Variants in TENM2 observed in about 807,000 individuals in gnomAD.
TENM2 encodes the protein teneurin-2.
Under a neutral mutation model 245.2 loss-of-function variants are expected in TENM2, and 52 were observed. The observed-to-expected ratio is 0.21, with a 90% confidence interval of 0.17 to 0.27. The LOEUF (loss-of-function observed/expected upper bound fraction) is 0.27. Ranked by LOEUF, TENM2 falls within the 10% of genes least tolerant of loss-of-function variation. The pLI is 1.00. For missense variants in TENM2, 3,046 were observed against 3,666.8 expected, an observed-to-expected ratio of 0.83 and a Z score of 4.37; for synonymous variants, 1,363 against 1,438.9, an observed-to-expected ratio of 0.95 and a Z score of 1.19.
At chr5:167,317,013 C>G (rs557190899) in intron 1 of TENM2, among the ~76,000 whole-genome samples, 6 of 152,200 alleles carry the variant, frequency 3.9e-5, no homozygotes, top group Non-Finnish European at 7.4e-5. Context: ...CTCTCCTCAT[C>G]ATCCCTTGGT....
the TENM2 span, among the ~76,000 whole-genome samples, chr5:167,147,091 A>G: frequency 6.6e-6 from 1 of 152,172 alleles, no homozygotes; most frequent in Non-Finnish European, 1.5e-5. Context: ...TTCCTAAAGC[A>G]TGTGCTTTAG....
chr5:167,431,902 A>T (rs1764240713), intron 2 of TENM2, among the ~76,000 whole-genome samples: 1 of 116,024 alleles, frequency 8.6e-6, no homozygotes, highest in Non-Finnish European at 1.8e-5. Flanking sequence ...TTAGCTCATG[A>T]TTCCAAGGTG....
chr5:167,209,102 G>C, the TENM2 span, among the ~76,000 whole-genome samples: 1 of 152,092 alleles, frequency 6.6e-6, no homozygotes, highest in East Asian at 1.9e-4. Flanking sequence ...GGCATTTGGG[G>C]CACATTGTTT....
intron 1 of TENM2, among the ~76,000 whole-genome samples, chr5:167,368,692 C>T (rs1010295275): frequency 3.9e-5 from 6 of 152,158 alleles, no homozygotes; most frequent in African/African-American, 1.4e-4. Flanking sequence ...TAAAGGTGTA[C>T]TTTGTGTATA....
chr5:167,995,787 T>A (rs1784009225), intron 5 of TENM2, among the ~76,000 whole-genome samples: 1 of 152,214 alleles, frequency 6.6e-6, no homozygotes, highest in Non-Finnish European at 1.5e-5. Flanking sequence ...ATATTATTAC[T>A]TACAGAGCTG....
chr5:167,150,343 C>T, the TENM2 span, among the ~76,000 whole-genome samples: 3 of 151,956 alleles, frequency 2.0e-5, no homozygotes, highest in Non-Finnish European at 2.9e-5. Flanking sequence ...AGCTTGTTTC[C>T]GTTAGTCCAG....
the TENM2 span, among the ~76,000 whole-genome samples, chr5:166,995,701 A>AGGTAG: frequency 2.7e-5 from 4 of 149,952 alleles, no homozygotes; most frequent in Non-Finnish European, 5.9e-5. Flanking sequence ...CTATAATCCC[A>AGGTAG]GCTACTCGGG....
At chr5:167,940,842 G>GCT (rs1396919441) in intron 3 of TENM2, among the ~76,000 whole-genome samples, 2 of 151,912 alleles carry the variant, frequency 1.3e-5, no homozygotes, top group Admixed American at 6.6e-5. Flanking sequence ...CACTGGAATG[G>GCT]CTCTCTCTCT....
intron 5 of TENM2, among the ~76,000 whole-genome samples, chr5:168,041,334 T>A (rs1390252528): frequency 6.6e-6 from 1 of 152,102 alleles, no homozygotes; most frequent in African/African-American, 2.4e-5. Flanking sequence ...AAGTAAACGT[T>A]CATCTTCTTC....
Position 168,244,457 on chromosome 5 carries a change from G to T in TENM2, c.5558G>T (p.Arg1853Leu), listed in dbSNP as rs745482697. The stretch of plus-strand genomic sequence containing the variant: ...AATCTCTTGTCCATTGACTATGATC[G>T]AAATATTCGGACTGAAAAGATCTAT... The change falls in exon 26 of 29, where the codon CGA (arginine) becomes CTA (leucine). Residue 1853 changes from arginine (R) to leucine (L), a missense_variant. Transcript: ENST00000518659. This position sits in a 1 kb window ranked among gnomAD's most constrained non-coding sequence, Gnocchi z 4.9. 6.3e-7 allele frequency: 1 copy of T among 1,578,390 alleles called. No homozygotes were observed. Among genetic ancestry groups the T allele is most frequent in the South Asian group, 1.1e-5 (1 of 87,314 alleles).
At chr5:167,319,324 T>A (rs1756577195) in intron 1 of TENM2, among the ~76,000 whole-genome samples, 1 of 152,182 alleles carries the variant, frequency 6.6e-6, no homozygotes, top group Non-Finnish European at 1.5e-5. Context: ...TTTTTTCTTT[T>A]AAATGGAGGT....
At chr5:167,353,471 A>G (rs1581818795) in intron 1 of TENM2, among the ~76,000 whole-genome samples, 1 of 145,156 alleles carries the variant, frequency 6.9e-6, no homozygotes, top group Non-Finnish European at 1.5e-5. Context: ...GGCAGTGAAT[A>G]GTATATGGTG....
At chr5:167,573,717 G>C (rs1200659751) in intron 2 of TENM2, among the ~76,000 whole-genome samples, 1 of 152,074 alleles carries the variant, frequency 6.6e-6, no homozygotes, top group Non-Finnish European at 1.5e-5. Flanking sequence ...CGAGTTTTAG[G>C]CATGTATGCA....
At chr5:167,263,421 C>G in the TENM2 span, among the ~76,000 whole-genome samples, 1 of 152,174 alleles carries the variant, frequency 6.6e-6, no homozygotes, top group Non-Finnish European at 1.5e-5. Context: ...AAACCCTGCT[C>G]CTTCCACCCC....
chr5:167,140,529 G>A, the TENM2 span, among the ~76,000 whole-genome samples: 4 of 152,058 alleles, frequency 2.6e-5, no homozygotes, highest in African/African-American at 9.7e-5. Flanking sequence ...TTCTTTGAGT[G>A]TTTAGAAGCT....
intron 12 of TENM2, among the ~76,000 whole-genome samples, chr5:168,150,427 A>T (rs1310747089): frequency 6.6e-6 from 1 of 152,176 alleles, no homozygotes; most frequent in Non-Finnish European, 1.5e-5. Context: ...TGACAGGGAG[A>T]CCACCCCACC....
chr5:167,079,293 T>C, the TENM2 span, among the ~76,000 whole-genome samples: 1 of 148,048 alleles, frequency 6.8e-6, no homozygotes, highest in Non-Finnish European at 1.5e-5. Context: ...ACACGCATAT[T>C]ATATATATAT....
At chr5:167,865,073 T>C (rs1407172737) in intron 2 of TENM2, among the ~76,000 whole-genome samples, 1 of 152,184 alleles carries the variant, frequency 6.6e-6, no homozygotes, top group African/African-American at 2.4e-5. Flanking sequence ...AAATAGATTC[T>C]AGGACGGCAA....
chr5:166,987,420 GGTGTGTGTGTGTGT>G, the TENM2 span, among the ~76,000 whole-genome samples: 3 of 147,090 alleles, frequency 2.0e-5, no homozygotes, highest in Non-Finnish European at 4.5e-5. Context: ...GTTTAGTAAG[GGTGTGTGTGTGTGT>G]GTGTGTGTGT....
Sources: allele counts gnomAD v4.1 joint callset (sites outside exome capture counted in the v4.1 genomes callset), GRCh38; gene constraint gnomAD v4.1.1; non-coding constraint Gnocchi (gnomAD v3.1); transcripts MANE v1.5; gene names NCBI Gene and HGNC (gene_info 2026-07-23, HGNC 2026-07-21).